The following RARS1 variants were observed in gnomAD, a reference collection of about 807,000 sequenced individuals.
The protein encoded by RARS1 is arginyl-tRNA synthetase 1.
Under a neutral mutation model 78.7 loss-of-function variants are expected in RARS1, and 75 were observed. The observed-to-expected ratio is 0.95, with a 90% CI of 0.79 to 1.15. RARS1 has a LOEUF of 1.15. RARS1 is among the 50% of genes most tolerant of loss of function. The pLI is 0.00. For missense variants in RARS1, 787 were observed against 787.5 expected (o/e 1.00, Z 0.01); for synonymous variants, 273 against 268.2 (o/e 1.02, Z -0.18).
chr5:168,515,568 CG>C (rs2113034644), intron 12 of RARS1, among the ~76,000 whole-genome samples: 1 of 152,286 alleles, frequency 6.6e-6, no homozygotes, highest in Admixed American at 6.5e-5. Flanking sequence ...CTCCAGAGAC[CG>C]TTATGTTTTC....
In RARS1 at chr5:168,510,649, G is replaced by T; in HGVS notation, c.1415G>T (p.Arg472Leu). 6.2e-7 allele frequency: 1 copy of T among 1,610,874 alleles called. No individual in the cohort carries two copies. The highest frequency in any genetic ancestry group is 1.3e-5 in the African/African-American group (1 of 74,798). ...LMDLLGEGLK[R>L]SMDKLKEKER... ...GATCTTCTGGGAGAAGGACTAAAACGATCCATGGACAAGTTGAAGGAAAAA... is the reference window on the plus strand; with the variant it reads ...GATCTTCTGGGAGAAGGACTAAAACTATCCATGGACAAGTTGAAGGAAAAA... Residue 472 changes from arginine to leucine, a missense_variant, in exon 12 of 15, where the codon CGA (arginine) becomes CTA (leucine). Physicochemically the swap from Arg to Leu is moderately radical, Grantham distance 102. Coordinates refer to ENST00000231572, the MANE Select transcript of RARS1 (RefSeq NM_002887.4).
intron 11 of RARS1, 113 bp from the exon 12 acceptor site, chr5:168,510,468 A>G (rs1330864068): frequency 7.9e-6 from 6 of 763,364 alleles, no homozygotes; most frequent in Non-Finnish European, 1.3e-5. Flanking sequence ...TACCTTAGAG[A>G]TTTAAAACAT....
chr5:168,495,524 A>G, intron 6 of RARS1, 88 bp downstream of exon 6: 1 of 1,494,468 alleles, frequency 6.7e-7, no homozygotes, highest in Non-Finnish European at 9.0e-7. Flanking sequence ...CACTCAAGAA[A>G]GAACATTCGA....
At chr5:168,494,455 G>T (rs1758141920) in intron 4 of RARS1, 95 bp from the exon 5 acceptor site, 1 of 1,539,012 alleles carries the variant, frequency 6.5e-7, no homozygotes, top group Admixed American at 2.0e-5. Context: ...GAAGAATTTT[G>T]CCAGAGCCAG....
At chr5:168,503,311 G>A (rs1436357324) in intron 9 of RARS1, among the ~76,000 whole-genome samples, 2 of 152,280 alleles carry the variant, frequency 1.3e-5, no homozygotes, top group East Asian at 3.9e-4. Context: ...TTCTCCATTT[G>A]TTACTTGGGA....
intron 4 of RARS1, chr5:168,494,305 G>T (rs562928042): frequency 1.0e-6 from 1 of 985,396 alleles, no homozygotes; most frequent in East Asian, 1.1e-4. Context: ...GTTAAGAGGC[G>T]AACAGATTGT....
intron 12 of RARS1, among the ~76,000 whole-genome samples, chr5:168,514,835 G>A (rs1305179776): frequency 6.6e-6 from 1 of 152,074 alleles, no homozygotes; most frequent in African/African-American, 2.4e-5. Flanking sequence ...TTAGTTCCTT[G>A]GTCTGTCTTT....
At chr5:168,510,138 A>G (rs1391482069) in intron 11 of RARS1, among the ~76,000 whole-genome samples, 1 of 152,220 alleles carries the variant, frequency 6.6e-6, no homozygotes, top group Non-Finnish European at 1.5e-5. Context: ...GAATTTACTG[A>G]CTTTCTCAAC....
intron 14 of RARS1, 90 bp from the exon 15 acceptor site, chr5:168,518,991 T>G: frequency 9.3e-7 from 1 of 1,078,482 alleles, no homozygotes; most frequent in Non-Finnish European, 1.4e-6. Context: ...TATGCACTTC[T>G]AACTAAAATT....
chr5:168,504,203 G>T (rs1324345178), intron 9 of RARS1, among the ~76,000 whole-genome samples: 4 of 151,994 alleles, frequency 2.6e-5, no homozygotes, highest in African/African-American at 9.7e-5. Context: ...GCAACAATGT[G>T]TGAGACCCTG....
chr5:168,517,762 C>A, intron 13 of RARS1, 53 bp from the exon 14 acceptor site: 3 of 1,298,982 alleles, frequency 2.3e-6, no homozygotes, highest in Non-Finnish European at 3.1e-6. Flanking sequence ...ATGAGTGTGC[C>A]TAAAAAAAGG....
chr5:168,501,873 AT>A lies in RARS1; in HGVS notation c.953-122del, dbSNP rs911724967. On this transcript the variant is annotated intron_variant, in intron 8 of 14. Transcript: ENST00000231572. ...ATGTATATAATGTTCTATATCATAC[AT>A]TTTTTATGTAATTAATTTCCTTTTA... is the stretch of plus-strand genomic sequence containing the variant. 126 of 1,364,474 alleles carry A rather than the reference AT, an allele frequency of 9.2e-5. No homozygotes were observed. In the African/African-American group the frequency reaches 1.6e-3, roughly 18 times the overall value. 84.5% of individuals were successfully genotyped at this position (1,364,474 alleles called of 1,614,324 possible).
Position 168,494,541 on chromosome 5 carries a change from A to G in RARS1, c.479-9A>G. 3 of 1,605,604 alleles carry G rather than the reference A, an allele frequency of 1.9e-6. No homozygotes were observed. Among genetic ancestry groups the G allele is most frequent in the Non-Finnish European group, 2.6e-6 (3 of 1,172,986 alleles). On this transcript the variant is annotated splice_polypyrimidine_tract_variant and intron_variant, in intron 4 of 14. Transcript: ENST00000231572. ...CAGTATCTGATATTTTTTCTCTTCTATCCATTAGGTTTTATTAATGTCCAC... is the reference window on the plus strand; with the variant it reads ...CAGTATCTGATATTTTTTCTCTTCTGTCCATTAGGTTTTATTAATGTCCAC...
intron 12 of RARS1, 91 bp from the exon 13 acceptor site, chr5:168,516,687 G>A: frequency 7.9e-7 from 1 of 1,258,000 alleles, no homozygotes; most frequent in East Asian, 2.3e-5. Flanking sequence ...AATACCATTA[G>A]ATGTTCCCTA....
intron 8 of RARS1, among the ~76,000 whole-genome samples, chr5:168,501,769 A>G (rs1010374619): frequency 6.6e-6 from 1 of 152,170 alleles, no homozygotes; most frequent in African/African-American, 2.4e-5. Flanking sequence ...GAGAAAAATA[A>G]AATTATCTAT....
In RARS1 at chr5:168,492,714, G is replaced by A. The variant is rs760145072; in HGVS notation, c.236G>A (p.Arg79His). Residue 79 changes from arginine to histidine, a missense_variant, in exon 3 of 15, where the codon CGC (arginine) becomes CAC (histidine). Coordinates refer to ENST00000231572, the MANE Select transcript of RARS1 (RefSeq NM_002887.4). ...AAAAATATGATTAACATTATTAGCCGCCTACAAGAGGTCTTTGGTCATGCA... is the reference window on the plus strand; with the variant it reads ...AAAAATATGATTAACATTATTAGCCACCTACAAGAGGTCTTTGGTCATGCA... Reference protein sequence around the residue: ...PTKNMINIISRLQEVFGHAIK... With the variant: ...PTKNMINIISHLQEVFGHAIK... The A allele has an allele frequency of 2.9e-5, 47 of 1,612,196 alleles. No individual in the cohort carries two copies. In the South Asian group the frequency reaches 3.5e-4, roughly 12 times the overall value.
At chr5:168,494,095 A>G in intron 4 of RARS1, 93 bp downstream of exon 4, 1 of 1,322,612 alleles carries the variant, frequency 7.6e-7, no homozygotes, top group Non-Finnish European at 1.0e-6. Context: ...ACAGGGTTAA[A>G]CTTTGTATAC....
In RARS1 at chr5:168,506,732, TC is replaced by T. The variant is rs761217360; in HGVS notation, c.1249del (p.Gln417ArgfsTer9). Reference sequence around the variant, plus strand: ...CCGTTTCTGTTGTAGTCTGTGCACTTCCAGACAATATTTGCTGCTGCTCAAA... The same window carrying T: ...CCGTTTCTGTTGTAGTCTGTGCACTTCAGACAATATTTGCTGCTGCTCAAA... ...YVVDNGQSVH[F>X]QTIFAAAQMI... On this transcript the variant is annotated frameshift_variant, in exon 11 of 15. Transcript: ENST00000231572. LOFTEE classifies it high-confidence loss of function. 3 of 1,612,420 alleles carry T rather than the reference TC, an allele frequency of 1.9e-6. No homozygotes were observed. The highest frequency in any genetic ancestry group is 2.5e-6 in the Non-Finnish European group (3 of 1,178,564).
At chr5:168,494,725 T>TTAG in intron 5 of RARS1, 75 bp downstream of exon 5, 1 of 1,038,306 alleles carries the variant, frequency 9.6e-7, no homozygotes, top group Non-Finnish European at 1.5e-6. Context: ...TATGTGCCTA[T>TTAG]AGTCTCAGCT....
Sources: gnomAD v4.1 joint callset for allele counts (sites outside exome capture counted in the v4.1 genomes callset) on GRCh38, gnomAD v4.1.1 for gene constraint, MANE v1.5 for transcripts, NCBI Gene and HGNC (gene_info 2026-07-23, HGNC 2026-07-21) for gene names.